The following CEP350 variants were observed in gnomAD, a reference collection of about 807,000 sequenced individuals.
The protein encoded by CEP350 is centrosomal protein 350, also known as centrosome-associated protein 350.
CEP350 carries 126 observed loss-of-function variants against 331.8 expected under a neutral mutation model. The observed-to-expected ratio is 0.38, with a 90% CI of 0.33 to 0.44. The LOEUF is 0.44. Among genes scored for constraint, CEP350 ranks in the 20% least tolerant of loss-of-function variants. CEP350 has a pLI of 1.00. For missense variants in CEP350, 3,406 were observed against 3,634.6 expected (o/e 0.94, Z 1.62); for synonymous variants, 1,200 against 1,259.5 (o/e 0.95, Z 1.00).
intron 4 of CEP350, 111 bp from the exon 5 acceptor site, chr1:179,991,951 A>G: frequency 2.0e-6 from 2 of 1,010,184 alleles, no homozygotes; most frequent in Non-Finnish European, 2.7e-6. Context: ...CTTATATAAT[A>G]TCCAACTATT....
At chr1:180,091,516 C>T (rs1193523207) in intron 33 of CEP350, among the ~76,000 whole-genome samples, 2 of 151,902 alleles carry the variant, frequency 1.3e-5, no homozygotes, top group East Asian at 3.9e-4. Context: ...TCAGTTTAAC[C>T]AAAAGAAAGT....
chr1:180,014,631 C>A, intron 10 of CEP350, 126 bp downstream of exon 10: 1 of 859,972 alleles, frequency 1.2e-6, no homozygotes, highest in Non-Finnish European at 1.7e-6. Context: ...TCATGGCCTT[C>A]ATGAAATATA....
intron 11 of CEP350, among the ~76,000 whole-genome samples, chr1:180,019,182 G>A (rs773442707): frequency 5.9e-5 from 9 of 152,118 alleles, no homozygotes; most frequent in Non-Finnish European, 1.3e-4. Flanking sequence ...CTTCTTAATA[G>A]TTGACATCAT....
intron 1 of CEP350, among the ~76,000 whole-genome samples, chr1:179,959,933 C>T (rs983910249): frequency 7.3e-6 from 1 of 137,872 alleles, no homozygotes; most frequent in Non-Finnish European, 1.6e-5. Context: ...AAACTGTGCA[C>T]TGAAGTAAAT....
Position 180,095,744 on chromosome 1 carries a change from A to G in CEP350, c.8733A>G (p.Glu2911=). Residue 2911 remains glutamate, a synonymous_variant, in exon 35 of 38, where the codon GAA becomes GAG. Coordinates refer to ENST00000367607, the MANE Select transcript of CEP350 (RefSeq NM_014810.5). ...EPKRVTQQPC[E]TLLAVPHTAE... ...AAAGAGTAACCCAACAACCATGTGA[A>G]ACATTATTGGCAGTCCCCCATACTG... 6.2e-7 allele frequency: 1 copy of G among 1,614,040 alleles called. No homozygotes were observed. Among genetic ancestry groups the G allele is most frequent in the Non-Finnish European group, 8.5e-7 (1 of 1,179,890 alleles).
intron 26 of CEP350, 107 bp from the exon 27 acceptor site, chr1:180,065,008 G>GT: frequency 8.4e-7 from 1 of 1,194,402 alleles, no homozygotes; most frequent in Non-Finnish European, 1.1e-6. Flanking sequence ...TTCAACTATT[G>GT]TTATAAACAT....
rs112904194 is a variant in CEP350, at chr1:180,039,908, A to G, written c.4111-1230A>G. On this transcript the variant is annotated intron_variant, in intron 17 of 37. Transcript: ENST00000367607. ...CAGTGTTGCCTTTTCTAATTCATGAACATGATATATTTTTCTATTTATTTA... is the reference window on the plus strand; with the variant it reads ...CAGTGTTGCCTTTTCTAATTCATGAGCATGATATATTTTTCTATTTATTTA... 5.4e-3 allele frequency among the ~76,000 whole-genome samples: 825 copies of G among 152,256 alleles called. 12 individuals are homozygous for G. The highest frequency in any genetic ancestry group is 0.019 in the African/African-American group (770 of 41,562).
At chr1:180,043,875 G>A (rs1005429816) in intron 20 of CEP350, among the ~76,000 whole-genome samples, 176 bp from the exon 21 acceptor site, 3 of 151,746 alleles carry the variant, frequency 2.0e-5, no homozygotes, top group Admixed American at 6.6e-5. Context: ...ATTGATACTA[G>A]GAGTGATTTG....
chr1:180,103,423 A>G (rs1253151914), intron 37 of CEP350, among the ~76,000 whole-genome samples: 1 of 152,176 alleles, frequency 6.6e-6, no homozygotes, highest in Admixed American at 6.5e-5. Context: ...CTTTTCATTA[A>G]AAGGAAAACC....
intron 1 of CEP350, among the ~76,000 whole-genome samples, chr1:179,982,202 A>G (rs969717818): frequency 6.6e-6 from 1 of 152,144 alleles, no homozygotes; most frequent in Non-Finnish European, 1.5e-5. Flanking sequence ...CCTTGCTCCA[A>G]TTTCAGCCAC....
intron 28 of CEP350, among the ~76,000 whole-genome samples, chr1:180,075,595 A>C (rs1659169803): frequency 6.6e-6 from 1 of 152,022 alleles, no homozygotes; most frequent in Non-Finnish European, 1.5e-5. Context: ...ATTAAAATGC[A>C]AATGATTGAG....
At chr1:180,069,430 T>A (rs78944540) in intron 27 of CEP350, among the ~76,000 whole-genome samples, 12,676 of 152,252 alleles carry the variant, frequency 0.083, 702 homozygotes, top group Non-Finnish European at 0.12. Context: ...AAAGGAGATA[T>A]TTTAATTAGA....
intron 34 of CEP350, chr1:180,095,232 T>TAGGC (rs1660416714): frequency 4.2e-6 from 1 of 239,150 alleles, no homozygotes; most frequent in African/African-American, 2.3e-5. Flanking sequence ...CCATATCCCA[T>TAGGC]AGACAGTTCT....
intron 28 of CEP350, among the ~76,000 whole-genome samples, chr1:180,077,180 G>T (rs2149070417): frequency 6.6e-6 from 1 of 152,100 alleles, no homozygotes; most frequent in East Asian, 1.9e-4. Flanking sequence ...AAGGTTTCTG[G>T]TTATAAAATT....
intron 1 of CEP350, among the ~76,000 whole-genome samples, chr1:179,966,408 A>G (rs945337317): frequency 5.3e-5 from 8 of 152,124 alleles, no homozygotes; most frequent in African/African-American, 1.9e-4. Context: ...TTTTGTAAGC[A>G]TTTGCTGCTT....
intron 17 of CEP350, among the ~76,000 whole-genome samples, chr1:180,039,302 G>A (rs1249073761): frequency 7.7e-6 from 1 of 130,548 alleles, no homozygotes; most frequent in Non-Finnish European, 1.6e-5. Context: ...GGAGGGAGGG[G>A]AGGGAGGAGA....
chr1:180,001,673 A>G (rs146778479), intron 6 of CEP350, among the ~76,000 whole-genome samples: 2 of 152,358 alleles, frequency 1.3e-5, no homozygotes, highest in Non-Finnish European at 2.9e-5. Context: ...TGTTTTCCAC[A>G]CTTTGGACAC....
intron 5 of CEP350, among the ~76,000 whole-genome samples, chr1:179,995,697 C>A (rs1482878317): frequency 6.6e-6 from 1 of 152,122 alleles, no homozygotes; most frequent in Non-Finnish European, 1.5e-5. Flanking sequence ...GCTAGTGTTT[C>A]TATGAGCAGA....
At chr1:180,021,316 G>A (rs1359697882) in intron 12 of CEP350, among the ~76,000 whole-genome samples, 4 of 152,032 alleles carry the variant, frequency 2.6e-5, no homozygotes, top group Admixed American at 2.0e-4. Context: ...TATATATCAC[G>A]TATATACTAC....
Sources: allele counts gnomAD v4.1 joint callset (sites outside exome capture counted in the v4.1 genomes callset), GRCh38; gene constraint gnomAD v4.1.1; transcripts MANE v1.5; gene names NCBI Gene and HGNC (gene_info 2026-07-23, HGNC 2026-07-21).